Variants in PLEKHG4B observed in about 807,000 individuals in gnomAD.
PLEKHG4B encodes the protein pleckstrin homology and RhoGEF domain containing G4B.
PLEKHG4B carries 111 observed loss-of-function variants against 121.3 expected under a neutral mutation model. That is an observed-to-expected ratio of 0.92 (90% CI 0.78 to 1.07). PLEKHG4B has a LOEUF of 1.07. PLEKHG4B is among the 50% of genes least tolerant of loss of function. The pLI, the probability that PLEKHG4B is intolerant of heterozygous loss-of-function variation, is 0.00. For missense variants in PLEKHG4B, 1,831 were observed against 1,757.8 expected (o/e 1.04, Z -0.74); for synonymous variants, 738 against 725.0 (o/e 1.02, Z -0.29).
rs905522411 is a variant in PLEKHG4B, at chr5:139,019, C to A, written c.244-464C>A. Among the ~76,000 whole-genome samples, 1 of 152,204 alleles carries A rather than the reference C, an allele frequency of 6.6e-6. No individual in the cohort carries two copies. The highest frequency in any genetic ancestry group is 1.5e-5 in the Non-Finnish European group (1 of 68,026). On this transcript the variant is annotated intron_variant, in intron 2 of 19. Transcript: ENST00000637938. This position sits in a 1 kb window ranked among gnomAD's most constrained non-coding sequence, Gnocchi z 5.0. ...CCCCTCGCTAAGGAGGCCGAGGTAGCGCCTGCAGCAGCCGGGAGCCACAGG... is the reference window on the plus strand; with the variant it reads ...CCCCTCGCTAAGGAGGCCGAGGTAGAGCCTGCAGCAGCCGGGAGCCACAGG...
At chr5:114,913 A>G (rs1734261905) in intron 2 of PLEKHG4B, among the ~76,000 whole-genome samples, 1 of 152,154 alleles carries the variant, frequency 6.6e-6, no homozygotes, top group African/African-American at 2.4e-5. Flanking sequence ...AGTGTCATCC[A>G]TGAGGGTTGG....
Position 156,395 on chromosome 5 carries a change from C to T in PLEKHG4B, c.2348+185C>T, listed in dbSNP as rs1414210150. Among the ~76,000 whole-genome samples, 1 of 151,380 alleles carries T rather than the reference C, an allele frequency of 6.6e-6. No individual in the cohort carries two copies. The highest frequency in any genetic ancestry group is 1.5e-5 in the Non-Finnish European group (1 of 67,920). Reference sequence around the variant, plus strand: ...TTCCACATTTACAGGCTCCAAAGATCAAGGAGCCAGCTTCTGGGGATGCTC... The same window carrying T: ...TTCCACATTTACAGGCTCCAAAGATTAAGGAGCCAGCTTCTGGGGATGCTC... On this transcript the variant is annotated intron_variant, in intron 10 of 19. Coordinates refer to ENST00000637938, the MANE Select transcript of PLEKHG4B (RefSeq NM_052909.5). The surrounding 1 kb of genome is among the most constrained non-coding windows in gnomAD (Gnocchi z 4.4).
chr5:126,715 G>C (rs1435789781), intron 2 of PLEKHG4B, among the ~76,000 whole-genome samples: 1 of 152,132 alleles, frequency 6.6e-6, no homozygotes, highest in Non-Finnish European at 1.5e-5. Flanking sequence ...AATACCCGGG[G>C]TTCATCATCT....
chr5:164,912 G>A (rs1319905555), intron 13 of PLEKHG4B, among the ~76,000 whole-genome samples: 2 of 73,110 alleles, frequency 2.7e-5, no homozygotes, highest in African/African-American at 5.2e-5. Flanking sequence ...ATGCTGTGAC[G>A]GGGCGGAGCT....
chr5:169,742 C>A (rs1736480258), intron 14 of PLEKHG4B, 150 bp downstream of exon 14: 1 of 1,214,586 alleles, frequency 8.2e-7, no homozygotes, highest in Non-Finnish European at 1.1e-6. Flanking sequence ...TAAGACCAGC[C>A]GAAAAACAGA....
At chr5:112,406 C>T (rs901432859) in intron 1 of PLEKHG4B, among the ~76,000 whole-genome samples, 3 of 152,234 alleles carry the variant, frequency 2.0e-5, no homozygotes, top group African/African-American at 7.2e-5. Flanking sequence ...ATGTAACTGT[C>T]GTGCCATTAT....
chr5:120,409 A>AG (rs1259250556), intron 2 of PLEKHG4B, among the ~76,000 whole-genome samples: 2 of 152,198 alleles, frequency 1.3e-5, no homozygotes, highest in Non-Finnish European at 2.9e-5. Context: ...GGAGAGAGAG[A>AG]GATGGACTCA....
intron 14 of PLEKHG4B, among the ~76,000 whole-genome samples, chr5:169,890 A>C (rs1261890384): frequency 6.6e-6 from 1 of 152,126 alleles, no homozygotes; most frequent in East Asian, 1.9e-4. Context: ...CTTCTCCTTT[A>C]CCACTTCCAG....
intron 2 of PLEKHG4B, among the ~76,000 whole-genome samples, chr5:119,584 C>G (rs1734408762): frequency 6.6e-6 from 1 of 152,190 alleles, no homozygotes; most frequent in African/African-American, 2.4e-5. Flanking sequence ...GGAGCCTACA[C>G]AATTGCATCG....
Position 156,310 on chromosome 5 carries a change from C to A in PLEKHG4B, c.2348+100C>A. The A allele has an allele frequency of 2.5e-6, 3 of 1,212,854 alleles. No homozygotes were observed. Among genetic ancestry groups the A allele is most frequent in the Non-Finnish European group, 3.2e-6 (3 of 946,742 alleles). The allele number at this position is 1,212,854 out of a possible 1,614,324, so 75.1% of individuals were successfully genotyped here. A position where few individuals can be genotyped will look rare whatever the true frequency, so the allele number is the denominator to read the frequency against. On this transcript the variant is annotated intron_variant, in intron 10 of 19. Transcript: ENST00000637938. This position sits in a 1 kb window ranked among gnomAD's most constrained non-coding sequence, Gnocchi z 4.4. ...GTAGCGCTCTGCTCCAAGGAGAGCC[C>A]CCTCTGTGCTTGGTCCAGACCTCCA...
rs569059301 is a variant in PLEKHG4B at position 156,590 on chromosome 5, G to A, written c.2349-183G>A. 5.9e-5 allele frequency among the ~76,000 whole-genome samples: 9 copies of A among 152,126 alleles called. No homozygotes were observed. The South Asian group carries it at 1.7e-3, about 28-fold the overall frequency. Reference sequence around the variant, plus strand: ...GGCACCTGCAACCCAGGCCGGCCAGGATGTTGGCAGAACGCATGGAGCACA... The same window carrying A: ...GGCACCTGCAACCCAGGCCGGCCAGAATGTTGGCAGAACGCATGGAGCACA... On this transcript the variant is annotated intron_variant, in intron 10 of 19. Coordinates refer to ENST00000637938, the MANE Select transcript of PLEKHG4B (RefSeq NM_052909.5). The surrounding 1 kb of genome is among the most constrained non-coding windows in gnomAD (Gnocchi z 4.4).
intron 6 of PLEKHG4B, among the ~76,000 whole-genome samples, chr5:148,285 A>G (rs1735491780): frequency 6.6e-6 from 1 of 151,962 alleles, no homozygotes; most frequent in East Asian, 1.9e-4. Flanking sequence ...AGGAAGAAGT[A>G]AAATTATCTC....
At chr5:154,621 C>CTTT (rs35893349) in intron 7 of PLEKHG4B, among the ~76,000 whole-genome samples, 4 of 131,868 alleles carry the variant, frequency 3.0e-5, no homozygotes, top group African/African-American at 8.7e-5. Flanking sequence ...TCCTTCCTCC[C>CTTT]TTTTTTTTTT....
At chr5:119,940 C>G (rs1734419335) in intron 2 of PLEKHG4B, among the ~76,000 whole-genome samples, 2 of 152,178 alleles carry the variant, frequency 1.3e-5, no homozygotes, top group South Asian at 4.1e-4. Context: ...AAAAAGAAAT[C>G]TCAGAATCTC....
At chr5:104,482 G>C (rs1733916421) in intron 1 of PLEKHG4B, among the ~76,000 whole-genome samples, 1 of 152,174 alleles carries the variant, frequency 6.6e-6, no homozygotes, top group African/African-American at 2.4e-5. Context: ...TTATTATAAA[G>C]GGGTATAAAT....
intron 6 of PLEKHG4B, among the ~76,000 whole-genome samples, chr5:147,065 G>T (rs1315348622): frequency 3.3e-5 from 5 of 152,132 alleles, no homozygotes; most frequent in Admixed American, 6.5e-5. Context: ...AAATTGGCTG[G>T]CCTGGGAGCA....
At chr5:167,409 A>G (rs1036576056) in intron 13 of PLEKHG4B, among the ~76,000 whole-genome samples, 26 of 150,772 alleles carry the variant, frequency 1.7e-4, no homozygotes, top group African/African-American at 6.1e-4. Context: ...TAGTTTTTCC[A>G]ACTTAAAAAA....
intron 6 of PLEKHG4B, among the ~76,000 whole-genome samples, chr5:149,716 C>T (rs1432979541): frequency 6.6e-6 from 1 of 152,168 alleles, no homozygotes; most frequent in East Asian, 1.9e-4. Flanking sequence ...GAACAAAAGA[C>T]TTGAATAGAC....
At chr5:149,911 G>A (rs182795873) in intron 6 of PLEKHG4B, among the ~76,000 whole-genome samples, 3 of 152,316 alleles carry the variant, frequency 2.0e-5, no homozygotes, top group African/African-American at 4.8e-5. Flanking sequence ...CCTTGTGCAC[G>A]GTTGATGGGA....
Sources: allele counts gnomAD v4.1 joint callset (sites outside exome capture counted in the v4.1 genomes callset), GRCh38; gene constraint gnomAD v4.1.1; non-coding constraint Gnocchi (gnomAD v3.1); transcripts MANE v1.5; gene names NCBI Gene and HGNC (gene_info 2026-07-23, HGNC 2026-07-21).